The following UGT1A8 variants were observed in gnomAD, a reference collection of about 807,000 sequenced individuals.
UGT1A8 encodes UDP-glucuronosyltransferase 1A8.
A neutral mutation model predicts 45.3 loss-of-function variants in UGT1A8; 39 were observed. That is an observed-to-expected ratio of 0.86 (90% CI 0.67 to 1.12). The LOEUF (loss-of-function observed/expected upper bound fraction) is 1.12, where lower values mean the gene tolerates loss of function less well. UGT1A8 is among the 50% of genes most tolerant of loss of function. The pLI is 0.00. For synonymous variants in UGT1A8, 275 were observed against 249.2 expected (o/e 1.10, Z -0.97); for missense variants, 719 against 664.9 (o/e 1.08, Z -0.90).
chr2:233,760,305 G>C (rs745957787), intron 1 of UGT1A8: 19 of 1,613,584 alleles, frequency 1.2e-5, no homozygotes, highest in Non-Finnish European at 1.6e-5. Context: ...TGGAGTCCCA[G>C]GGCGGACGCC....
intron 1 of UGT1A8, among the ~76,000 whole-genome samples, chr2:233,640,435 C>T (rs1022400523): frequency 6.6e-6 from 1 of 152,012 alleles, no homozygotes; most frequent in South Asian, 2.1e-4. Context: ...GCCACAATAT[C>T]GTTATCACAC....
chr2:233,761,011 G>T, intron 1 of UGT1A8: 1 of 1,614,156 alleles, frequency 6.2e-7, no homozygotes, highest in Non-Finnish European at 8.5e-7. Context: ...TCAGAGAGAG[G>T]TGACTGTCCA....
At chr2:233,649,021 C>T (rs1283289715) in intron 1 of UGT1A8, 3 of 1,284,488 alleles carry the variant, frequency 2.3e-6, no homozygotes, top group South Asian at 1.5e-5. Context: ...AAAGCCAGTG[C>T]CTATGGTAAG....
intron 1 of UGT1A8, among the ~76,000 whole-genome samples, chr2:233,624,796 C>T (rs2073064153): frequency 6.6e-6 from 1 of 152,142 alleles, no homozygotes; most frequent in African/African-American, 2.4e-5. Flanking sequence ...AATTCATTAA[C>T]ATATCTATGT....
chr2:233,704,663 T>A (rs1022501388), intron 1 of UGT1A8, among the ~76,000 whole-genome samples: 1 of 152,200 alleles, frequency 6.6e-6, no homozygotes, highest in Non-Finnish European at 1.5e-5. Flanking sequence ...GTTCTTTTCC[T>A]TTGTTCTTAT....
At chr2:233,633,532 T>A (rs566506036) in intron 1 of UGT1A8, among the ~76,000 whole-genome samples, 1 of 152,220 alleles carries the variant, frequency 6.6e-6, no homozygotes, top group Non-Finnish European at 1.5e-5. Flanking sequence ...CCTGGTTTAG[T>A]CTTGGGAGGA....
chr2:233,629,407 C>A (rs1042528253), intron 1 of UGT1A8, among the ~76,000 whole-genome samples: 17 of 152,072 alleles, frequency 1.1e-4, no homozygotes, highest in Admixed American at 1.0e-3. Flanking sequence ...AACATGGTGG[C>A]ACAACCTTGA....
rs1559320904 is a variant in UGT1A8, at chr2:233,641,320, A to G, written c.855+22758A>G. Among the ~76,000 whole-genome samples, 4 of 152,304 alleles carry G rather than the reference A, an allele frequency of 2.6e-5. No homozygotes were observed. In the South Asian group the frequency reaches 8.3e-4, roughly 32 times the overall value. On this transcript the variant is annotated intron_variant, in intron 1 of 4. Transcript: ENST00000373450. ...AAGGCTTGCAAATACTATCTTATAA[A>G]CCTTATTTTAACCTGATAACAACTT...
intron 1 of UGT1A8, among the ~76,000 whole-genome samples, chr2:233,726,638 A>G (rs1268370501): frequency 1.3e-5 from 2 of 152,164 alleles, no homozygotes; most frequent in Admixed American, 6.6e-5. Context: ...CAATCTCCCC[A>G]TCTTAAAACT....
At chr2:233,762,434 G>T (rs1698074575) in intron 1 of UGT1A8, among the ~76,000 whole-genome samples, 1 of 152,184 alleles carries the variant, frequency 6.6e-6, no homozygotes, top group Non-Finnish European at 1.5e-5. Flanking sequence ...GAGTAACAGT[G>T]TATTCCCACT....
chr2:233,766,888 A>G, intron 1 of UGT1A8, 146 bp from the exon 2 acceptor site: 1 of 1,462,694 alleles, frequency 6.8e-7, no homozygotes. Flanking sequence ...TGTAAAACTT[A>G]CATATTAATA....
At position 233,630,664 on chromosome 2, in the gene UGT1A8, C is replaced by G. The variant is rs1575386551; in HGVS notation, c.855+12102C>G. ...ATGACAGAAGGTGATGGAGAGCTGG[C>G]ATGTCACATGGCAAGAGCAGGAGCA... On this transcript the variant is annotated intron_variant, in intron 1 of 4. Coordinates refer to ENST00000373450, the MANE Select transcript of UGT1A8 (RefSeq NM_019076.5). Among the ~76,000 whole-genome samples the G allele has an allele frequency of 3.3e-5, 5 of 152,182 alleles. No individual in the cohort carries two copies. The South Asian group carries it at 8.3e-4, about 25-fold the overall frequency.
chr2:233,638,525 T>C (rs1204285401), intron 1 of UGT1A8, among the ~76,000 whole-genome samples: 3 of 152,210 alleles, frequency 2.0e-5, no homozygotes, highest in Non-Finnish European at 2.9e-5. Context: ...TATTGAGTAA[T>C]ATTGTTAGAG....
chr2:233,627,630 TTCCTTCCTTCCTTC>T (rs2073109765), intron 1 of UGT1A8, among the ~76,000 whole-genome samples: 2 of 106,494 alleles, frequency 1.9e-5, no homozygotes, highest in African/African-American at 8.5e-5. Flanking sequence ...CCTTTCTTCC[TTCCTTCCTTCCTTC>T]CTTCCTTCCT....
chr2:233,749,095 G>A (rs535774350), intron 1 of UGT1A8, among the ~76,000 whole-genome samples: 9 of 151,904 alleles, frequency 5.9e-5, no homozygotes, highest in Admixed American at 5.2e-4. Context: ...TGTATTTCAT[G>A]AGAGAATTCA....
rs34459843 is a variant in UGT1A8, at chr2:233,690,776, T to TACAC, written c.855+72235_855+72238dup. 1.5e-4 allele frequency: 157 copies of TACAC among 1,063,506 alleles called. No homozygotes were observed. The African/African-American group carries it at 1.7e-3, about 12-fold the overall frequency. 65.9% of individuals were successfully genotyped at this position (1,063,506 alleles called of 1,614,324 possible). On this transcript the variant is annotated intron_variant, in intron 1 of 4. Transcript: ENST00000373450. ...GTGCAGACATACACACACACACACA[T>TACAC]ACACACACACACACACACACACACC...
chr2:233,661,233 CT>C (rs2073958220), intron 1 of UGT1A8, among the ~76,000 whole-genome samples: 1 of 151,720 alleles, frequency 6.6e-6, no homozygotes, highest in African/African-American at 2.4e-5. Flanking sequence ...TAATTTTCTA[CT>C]TTTGGTCTTG....
chr2:233,747,970 C>G, intron 1 of UGT1A8: 5 of 1,613,476 alleles, frequency 3.1e-6, no homozygotes, highest in Non-Finnish European at 4.2e-6. Flanking sequence ...AGCCATGCAT[C>G]TGTGTGGCTG....
At chr2:233,668,715 C>G (rs543159385) in intron 1 of UGT1A8, among the ~76,000 whole-genome samples, 73 of 152,326 alleles carry the variant, frequency 4.8e-4, no homozygotes, top group African/African-American at 1.7e-3. Flanking sequence ...TCTCTAGCAC[C>G]TATGTACATT....
Sources: gnomAD v4.1 joint callset for allele counts (sites outside exome capture counted in the v4.1 genomes callset) on GRCh38, gnomAD v4.1.1 for gene constraint, MANE v1.5 for transcripts, NCBI Gene and HGNC (gene_info 2026-07-23, HGNC 2026-07-21) for gene names.